Variants in MYL2 observed in about 807,000 individuals in gnomAD.
MYL2 encodes myosin regulatory light chain 2, ventricular/cardiac muscle isoform.
MYL2 carries 19 observed loss-of-function variants against 23.0 expected under a neutral mutation model. The ratio of observed to expected loss-of-function variants is 0.83; its 90% CI spans 0.58 to 1.21. The LOEUF is 1.21. Ranked by LOEUF, MYL2 falls within the 50% of genes most tolerant of loss-of-function variation. The probability of loss-of-function intolerance (pLI) is 0.00; values close to 1 mark genes in which losing one functional copy is unlikely to be tolerated. For synonymous variants in MYL2, 78 were observed against 76.2 expected, an observed-to-expected ratio of 1.02 and a Z score of -0.13; for missense variants, 180 against 215.1, an observed-to-expected ratio of 0.84 and a Z score of 1.02.
In MYL2 at chr12:110,920,518, T is replaced by C. The variant is rs201763406; in HGVS notation, c.3+9A>G. The C allele has an allele frequency of 4.8e-5, 77 of 1,614,130 alleles. No homozygotes were observed. The Admixed American group carries it at 1.2e-3, about 26-fold the overall frequency. On this transcript the variant is annotated intron_variant, in intron 1 of 6. Transcript: ENST00000228841. ...CGGCATCATCACCTCCTGGAGCCCTTGTACTCACCATGGTGGAAAGGACCC... is the reference window on the plus strand; with the variant it reads ...CGGCATCATCACCTCCTGGAGCCCTCGTACTCACCATGGTGGAAAGGACCC...
Position 110,911,131 on chromosome 12 carries a change from G to A in MYL2, c.447C>T (p.Asn149=), listed in dbSNP as rs397516405. The change falls in exon 7 of 7, where the codon AAC becomes AAT. Residue 149 remains asparagine (N), a synonymous_variant. Transcript: ENST00000228841. ...FAAFPPDVTG[N]LDYKNLVHII... is the part of the protein sequence containing the mutation. The stretch of plus-strand genomic sequence containing the variant: ...TGTGCACCAGGTTCTTGTAGTCCAA[G>A]TTGCCAGTCACGTCAGGGGGGAAGG... The A allele has an allele frequency of 4.3e-6, 7 of 1,613,464 alleles. No homozygotes were observed. Among genetic ancestry groups the A allele is most frequent in the Admixed American group, 1.7e-5 (1 of 59,958 alleles).
At position 110,913,164 on chromosome 12, in the gene MYL2, G is replaced by C. The variant is rs376261948; in HGVS notation, c.354-20C>G. Reference sequence around the variant, plus strand: ...CGAACGCTGCAGAGAAAGGAAAGCAGGTGTTGGTGTCAGTTGTGTGTGTGT... The same window carrying C: ...CGAACGCTGCAGAGAAAGGAAAGCACGTGTTGGTGTCAGTTGTGTGTGTGT... On this transcript the variant is annotated intron_variant, in intron 5 of 6. Transcript: ENST00000228841. 1.2e-6 allele frequency: 2 copies of C among 1,614,108 alleles called. No homozygotes were observed. The highest frequency in any genetic ancestry group is 2.7e-5 in the African/African-American group (2 of 74,908).
At chr12:110,920,944 T>C (rs556317036), upstream of MYL2, among the ~76,000 whole-genome samples, 16 of 152,374 alleles carry the variant, frequency 1.1e-4, no homozygotes, top group South Asian at 3.1e-3. Flanking sequence ...TTTGCACCTG[T>C]GTGCCCTCTA....
upstream of MYL2, chr12:110,920,688 C>A (rs544647435): frequency 3.1e-5 from 31 of 1,007,948 alleles, no homozygotes; most frequent in South Asian, 2.8e-4. Context: ...AAGGCCCCCC[C>A]ACCCCATGCC....
chr12:110,919,022 G>A (rs2071703052), intron 2 of MYL2, 82 bp downstream of exon 2: 4 of 1,329,936 alleles, frequency 3.0e-6, no homozygotes, highest in Non-Finnish European at 4.3e-6. Flanking sequence ...AAAGGTCCCT[G>A]CTGGGAATAT....
At chr12:110,919,923 G>A (rs2040571) in intron 1 of MYL2, among the ~76,000 whole-genome samples, 13,094 of 152,224 alleles carry the variant, frequency 0.086, 656 homozygotes, top group East Asian at 0.21. Flanking sequence ...GGCTCAGAGA[G>A]GTTGGGTCAC....
chr12:110,913,278 G>T lies in MYL2; in HGVS notation c.321C>A (p.Asp107Glu), dbSNP rs746693351. 6.2e-7 allele frequency: 1 copy of T among 1,614,200 alleles called. No individual in the cohort carries two copies. Among genetic ancestry groups the T allele is most frequent in the Admixed American group, 1.7e-5 (1 of 60,030 alleles). The change falls in exon 5 of 7, where the codon GAC (aspartate) becomes GAA (glutamate). Residue 107 changes from aspartate (D) to glutamate (E), a missense_variant. By Grantham distance (45) the Asp-to-Glu change is conservative. Transcript: ENST00000228841. ...CCTTCAGCACCCCTTTGCCTTCAGG[G>T]TCAAACACTTTGAATGCGTTGAGAA... The part of the protein sequence containing the change: ...ETILNAFKVF[D>E]PEGKGVLKAD...
In MYL2 at chr12:110,913,042, C is replaced by T. The variant is rs918589286; in HGVS notation, c.402+54G>A. The T allele has an allele frequency of 1.9e-5, 31 of 1,604,224 alleles. 1 individual carries two copies. The East Asian group carries it at 5.4e-4, about 28-fold the overall frequency. On this transcript the variant is annotated intron_variant, in intron 6 of 6. Coordinates refer to ENST00000228841, the MANE Select transcript of MYL2 (RefSeq NM_000432.4). ...AGACGAGAGGGGAGACGGAGCCCCCCAGAAGGAGAACCCAGGAGCTGGGTT... is the reference window on the plus strand; with the variant it reads ...AGACGAGAGGGGAGACGGAGCCCCCTAGAAGGAGAACCCAGGAGCTGGGTT...
intron 3 of MYL2, 49 bp downstream of exon 3, chr12:110,915,666 G>T: frequency 6.4e-7 from 1 of 1,566,180 alleles, no homozygotes; most frequent in Non-Finnish European, 8.8e-7. Flanking sequence ...TGCTCCTCAT[G>T]GATGTGAGAT....
chr12:110,917,748 C>G (rs866109151), intron 2 of MYL2, among the ~76,000 whole-genome samples: 9 of 152,128 alleles, frequency 5.9e-5, no homozygotes, highest in Middle Eastern at 3.2e-3. Flanking sequence ...TACGACTGTT[C>G]ATTTCCTGTT....
rs1025985061 is a variant in MYL2, at chr12:110,918,827, A to G, written c.93+277T>C. On this transcript the variant is annotated intron_variant, in intron 2 of 6. Coordinates refer to ENST00000228841, the MANE Select transcript of MYL2 (RefSeq NM_000432.4). The surrounding 1 kb of genome is among the most constrained non-coding windows in gnomAD (Gnocchi z 4.4). ...AAATGTGAACTGATTATCTCTGGGT[A>G]ATAGAATTGTAGGTAGTTTTTATTT... The G allele has an allele frequency of 6.7e-6, 3 of 444,714 alleles. No individual in the cohort carries two copies. The highest frequency in any genetic ancestry group is 3.5e-5 in the Admixed American group (1 of 28,688). The allele number at this position is 444,714 out of a possible 1,614,324, so 27.5% of individuals were successfully genotyped here. A position where few individuals can be genotyped will look rare whatever the true frequency, so the allele number is the denominator to read the frequency against.
intron 6 of MYL2, 86 bp downstream of exon 6, chr12:110,913,010 G>T: frequency 7.0e-7 from 1 of 1,424,758 alleles, no homozygotes; most frequent in Non-Finnish European, 9.9e-7. Flanking sequence ...GGGGTCAGGG[G>T]TGCTTTAGAC....
rs898305851 is a variant in MYL2 at position 110,918,048 on chromosome 12, A to G, written c.93+1056T>C. 7.2e-5 allele frequency among the ~76,000 whole-genome samples: 11 copies of G among 152,120 alleles called. No homozygotes were observed. Among genetic ancestry groups the G allele is most frequent in the Non-Finnish European group, 1.5e-4 (10 of 68,030 alleles). On this transcript the variant is annotated intron_variant, in intron 2 of 6. Transcript: ENST00000228841. This position sits in a 1 kb window ranked among gnomAD's most constrained non-coding sequence, Gnocchi z 4.4. Reference sequence around the variant, plus strand: ...CAGGGAGCCGTGGTTGTGCCACTGCACTCTAGCCTGGGTGACAGAGCGAGA... The same window carrying G: ...CAGGGAGCCGTGGTTGTGCCACTGCGCTCTAGCCTGGGTGACAGAGCGAGA...
At position 110,911,112 on chromosome 12, in the gene MYL2, C is replaced by A. The variant is rs770239898; in HGVS notation, c.466G>T (p.Val156Leu). 2 of 1,614,034 alleles carry A rather than the reference C, an allele frequency of 1.2e-6. No homozygotes were observed. Among genetic ancestry groups the A allele is most frequent in the South Asian group, 2.2e-5 (2 of 91,074 alleles). ...TCTTCTCCGTGGGTGATGATGTGCA[C>A]CAGGTTCTTGTAGTCCAAGTTGCCA... The part of the protein sequence containing the change: ...VTGNLDYKNL[V>L]HIITHGEEKD The change falls in exon 7 of 7, where the codon GTG becomes TTG. Residue 156 changes from valine (V) to leucine (L), a missense_variant. Val to Leu is a conservative substitution (Grantham distance 32). Coordinates refer to ENST00000228841, the MANE Select transcript of MYL2 (RefSeq NM_000432.4).
rs549719984 is a variant in MYL2 at position 110,915,107 on chromosome 12, C to G, written c.169+608G>C. On this transcript the variant is annotated intron_variant, in intron 3 of 6. Transcript: ENST00000228841. ...CAATGTATGTTTTAAGTATAAAAAG[C>G]TACACTCACTACAAATGTGAATACT... 8.5e-5 allele frequency among the ~76,000 whole-genome samples: 13 copies of G among 152,312 alleles called. No individual in the cohort carries two copies. In the East Asian group the frequency reaches 1.3e-3, roughly 16 times the overall value.
intron 1 of MYL2, among the ~76,000 whole-genome samples, chr12:110,919,699 G>A (rs1346430102): frequency 1.3e-5 from 2 of 152,118 alleles, no homozygotes; most frequent in Non-Finnish European, 2.9e-5. Context: ...TGCTCCAAAT[G>A]GCAGCAAAAC....
chr12:110,911,019 G>T lies in MYL2; in HGVS notation c.*58C>A. 1 of 1,449,408 alleles carries T rather than the reference G, an allele frequency of 6.9e-7. No individual in the cohort carries two copies. The highest frequency in any genetic ancestry group is 9.7e-7 in the Non-Finnish European group (1 of 1,030,374). The allele number at this position is 1,449,408 out of a possible 1,614,324, so 89.8% of individuals were successfully genotyped here. A position where few individuals can be genotyped will look rare whatever the true frequency, so the allele number is the denominator to read the frequency against. ...ACAGAGGCGGTACTCGGGGGAGAGA[G>T]ATGAGGGCAGGGACCACTCTGCAAA... is the stretch of plus-strand genomic sequence containing the variant. On this transcript the variant is annotated 3_prime_UTR_variant, in exon 7 of 7. Transcript: ENST00000228841.
At chr12:110,920,032 G>A (rs1395164551) in intron 1 of MYL2, among the ~76,000 whole-genome samples, 1 of 152,176 alleles carries the variant, frequency 6.6e-6, no homozygotes, top group Middle Eastern at 3.2e-3. Context: ...TGACTCCAGA[G>A]TTCCTGCCTC....
At chr12:110,914,151 T>A (rs1319243215) in intron 4 of MYL2, 35 bp downstream of exon 4, 1 of 1,467,524 alleles carries the variant, frequency 6.8e-7, no homozygotes, top group Non-Finnish European at 9.5e-7. Context: ...CATAGACACA[T>A]ACACACAGAC....
Sources: gnomAD v4.1 joint callset for allele counts (sites outside exome capture counted in the v4.1 genomes callset) on GRCh38, gnomAD v4.1.1 for gene constraint, Gnocchi (gnomAD v3.1) non-coding constraint, MANE v1.5 for transcripts, NCBI Gene and HGNC (gene_info 2026-07-23, HGNC 2026-07-21) for gene names.